LRIG1: variants seen among roughly 807,000 people sequenced by gnomAD.
LRIG1 encodes the protein leucine-rich repeats and immunoglobulin-like domains protein 1.
LRIG1 carries 48 observed loss-of-function variants against 99.2 expected under a neutral mutation model. The ratio of observed to expected loss-of-function variants is 0.48; its 90% CI spans 0.38 to 0.62. The LOEUF is 0.62. Among genes scored for constraint, LRIG1 ranks in the 20% least tolerant of loss-of-function variants. LRIG1 has a pLI of 0.00. For missense variants in LRIG1, 1,646 were observed against 1,434.4 expected, an observed-to-expected ratio of 1.15 and a Z score of -2.38; for synonymous variants, 772 against 596.1, an observed-to-expected ratio of 1.29 and a Z score of -4.30.
chr3:66,409,930 G>C (rs1235078917), intron 7 of LRIG1, 199 bp downstream of exon 7: 1 of 519,106 alleles, frequency 1.9e-6, no homozygotes, highest in East Asian at 3.2e-5. Flanking sequence ...CAGAGGAAGT[G>C]AAGGGGAGAT....
At chr3:66,492,026 T>C (rs956270594) in intron 1 of LRIG1, among the ~76,000 whole-genome samples, 5 of 152,232 alleles carry the variant, frequency 3.3e-5, no homozygotes, top group African/African-American at 1.2e-4. Flanking sequence ...AAAAAGAAGC[T>C]GTACCTGCAA....
At chr3:66,463,163 G>A (rs1354343158) in intron 1 of LRIG1, among the ~76,000 whole-genome samples, 1 of 152,136 alleles carries the variant, frequency 6.6e-6, no homozygotes, top group Non-Finnish European at 1.5e-5. Flanking sequence ...CTAGGATTCA[G>A]AGGTTGAAAA....
At chr3:66,492,611 A>G (rs1299961424) in intron 1 of LRIG1, among the ~76,000 whole-genome samples, 1 of 152,202 alleles carries the variant, frequency 6.6e-6, no homozygotes, top group African/African-American at 2.4e-5. Flanking sequence ...AAGTTCAAAA[A>G]CTAATCAACG....
At chr3:66,406,924 G>A (rs961559216) in intron 8 of LRIG1, among the ~76,000 whole-genome samples, 1 of 152,188 alleles carries the variant, frequency 6.6e-6, no homozygotes, top group Non-Finnish European at 1.5e-5. Flanking sequence ...TATTCCCATG[G>A]TTTAGAGAAA....
chr3:66,448,176 CTA>C (rs1703788103), intron 3 of LRIG1, among the ~76,000 whole-genome samples: 1 of 152,160 alleles, frequency 6.6e-6, no homozygotes, highest in African/African-American at 2.4e-5. Context: ...AAATTTTGCT[CTA>C]TGACTCCAGT....
At chr3:66,393,115 C>T (rs541245060) in intron 12 of LRIG1, among the ~76,000 whole-genome samples, 1 of 152,304 alleles carries the variant, frequency 6.6e-6, no homozygotes, top group South Asian at 2.1e-4. Flanking sequence ...CTGGCTACTC[C>T]AGCAGGCACA....
At chr3:66,495,518 G>A (rs1023829468) in intron 1 of LRIG1, among the ~76,000 whole-genome samples, 11 of 152,162 alleles carry the variant, frequency 7.2e-5, no homozygotes, top group African/African-American at 2.4e-4. Flanking sequence ...TCTACCTATG[G>A]GGTAGGTCAG....
chr3:66,446,403 CTTTT>C (rs1178928806), intron 3 of LRIG1, among the ~76,000 whole-genome samples: 1 of 129,188 alleles, frequency 7.7e-6, no homozygotes, highest in Admixed American at 7.9e-5. Flanking sequence ...GCCCACCCGC[CTTTT>C]TTTTTTTTTT....
intron 6 of LRIG1, 41 bp downstream of exon 6, chr3:66,412,830 C>G (rs12493943): frequency 0.22 from 360,287 of 1,608,110 alleles, 42,232 homozygotes; most frequent in Admixed American, 0.33. Flanking sequence ...CCACACCGCA[C>G]AGCAATCCTT....
intron 2 of LRIG1, among the ~76,000 whole-genome samples, chr3:66,452,297 A>G (rs1703932042): frequency 1.3e-5 from 2 of 152,224 alleles, no homozygotes; most frequent in Admixed American, 1.3e-4. Flanking sequence ...CCTTCCTGCT[A>G]AAATAGTCCA....
At chr3:66,404,501 G>C in intron 9 of LRIG1, 1 of 975,702 alleles carries the variant, frequency 1.0e-6, no homozygotes, top group Non-Finnish European at 1.3e-6. Context: ...CAAGGGGAAG[G>C]GAACGTGGGC....
At chr3:66,414,126 G>A (rs1410804520) in intron 5 of LRIG1, among the ~76,000 whole-genome samples, 7 of 152,114 alleles carry the variant, frequency 4.6e-5, no homozygotes, top group Non-Finnish European at 8.8e-5. Flanking sequence ...GGCCGGGTGC[G>A]GTGGCTCATG....
chr3:66,467,960 T>C (rs1246195256), intron 1 of LRIG1, among the ~76,000 whole-genome samples: 1 of 152,206 alleles, frequency 6.6e-6, no homozygotes, highest in Non-Finnish European at 1.5e-5. Flanking sequence ...ACAAGTCCTT[T>C]GAGCACACAA....
At chr3:66,474,932 C>T (rs1169190154) in intron 1 of LRIG1, among the ~76,000 whole-genome samples, 1 of 152,202 alleles carries the variant, frequency 6.6e-6, no homozygotes, top group African/African-American at 2.4e-5. Context: ...GTTTCAGTTA[C>T]AGGCAGAAAT....
chr3:66,432,432 G>A (rs990211165), intron 3 of LRIG1, among the ~76,000 whole-genome samples: 2 of 152,188 alleles, frequency 1.3e-5, no homozygotes, highest in African/African-American at 4.8e-5. Flanking sequence ...GGGGTGGCAG[G>A]AGTAGCCATA....
intron 1 of LRIG1, among the ~76,000 whole-genome samples, chr3:66,469,502 G>A (rs1192824530): frequency 1.3e-5 from 2 of 152,006 alleles, no homozygotes; most frequent in Non-Finnish European, 2.9e-5. Context: ...GAAGTCTAAC[G>A]CCCGTGACGT....
intron 14 of LRIG1, 59 bp from the exon 15 acceptor site, chr3:66,383,460 C>G: frequency 2.8e-6 from 4 of 1,429,926 alleles, no homozygotes; most frequent in Non-Finnish European, 3.8e-6. Context: ...TCTGGCTCTG[C>G]CCGGTCTTCT....
chr3:66,461,379 A>G (rs1193475258), intron 2 of LRIG1, among the ~76,000 whole-genome samples: 1 of 152,234 alleles, frequency 6.6e-6, no homozygotes, highest in Admixed American at 6.5e-5. Flanking sequence ...TGGGTAAAAA[A>G]CTTACCTAAT....
intron 1 of LRIG1, among the ~76,000 whole-genome samples, chr3:66,495,702 C>A (rs1156551251): frequency 1.3e-5 from 2 of 152,214 alleles, no homozygotes; most frequent in African/African-American, 2.4e-5. Flanking sequence ...AAACAACCTC[C>A]ACCCAGCCTT....
Sources: allele counts gnomAD v4.1 joint callset (sites outside exome capture counted in the v4.1 genomes callset), GRCh38; gene constraint gnomAD v4.1.1; transcripts MANE v1.5; gene names NCBI Gene and HGNC (gene_info 2026-07-23, HGNC 2026-07-21).